The following TMEFF2 variants were observed in gnomAD, a reference collection of about 807,000 sequenced individuals.
The protein encoded by TMEFF2 is tomoregulin-2.
TMEFF2 carries 28 observed loss-of-function variants against 53.8 expected under a neutral mutation model. The observed-to-expected ratio is 0.52, with a 90% CI of 0.39 to 0.71. The LOEUF (loss-of-function observed/expected upper bound fraction) is 0.71. Ranked by LOEUF, TMEFF2 falls within the 30% of genes least tolerant of loss-of-function variation. TMEFF2 has a pLI of 0.00. For missense variants in TMEFF2, 353 were observed against 455.2 expected (o/e 0.78, Z 2.04); for synonymous variants, 162 against 166.3 (o/e 0.97, Z 0.20).
chr2:192,009,455 AG>A, intron 5 of TMEFF2, among the ~76,000 whole-genome samples: 2 of 152,280 alleles, frequency 1.3e-5, no homozygotes, highest in South Asian at 4.1e-4. Context: ...TGTTTGCTAA[AG>A]ATTATACTGC....
At chr2:191,980,792 A>G (rs1421637904) in intron 7 of TMEFF2, among the ~76,000 whole-genome samples, 12 of 151,972 alleles carry the variant, frequency 7.9e-5, no homozygotes. Flanking sequence ...TCTTCCTGAT[A>G]CTTTTTTCCC....
At position 191,999,134 on chromosome 2, in the gene TMEFF2, T is replaced by G; in HGVS notation, c.611A>C (p.Asn204Thr). 1 of 1,612,510 alleles carries G rather than the reference T, an allele frequency of 6.2e-7. No individual in the cohort carries two copies. Among genetic ancestry groups the G allele is most frequent in the Non-Finnish European group, 8.5e-7 (1 of 1,178,854 alleles). Residue 204 changes from asparagine to threonine, a missense_variant, in exon 6 of 10, where the codon AAT becomes ACT. Asn to Thr is a moderately conservative substitution (Grantham distance 65, BLOSUM62 0). Around this residue, in one of 3 missense-constraint regions of TMEFF2, gnomAD observed 294 missense variants for 397.3 expected, o/e 0.74. Transcript: ENST00000272771. ...CGATGCTTCTTTGATTTGGCATGCA[T>G]TATCATAAGATTTCCCATCAGAAGC... is the stretch of plus-strand genomic sequence containing the variant. Reference protein sequence around the residue: ...LCASDGKSYDNACQIKEASCQ... With the variant: ...LCASDGKSYDTACQIKEASCQ...
At chr2:191,966,648 C>CA (rs963263061) in intron 7 of TMEFF2, among the ~76,000 whole-genome samples, 13 of 152,032 alleles carry the variant, frequency 8.6e-5, no homozygotes, top group African/African-American at 3.1e-4. Flanking sequence ...CAAAACAAAA[C>CA]AAAAAACAGG....
intron 4 of TMEFF2, among the ~76,000 whole-genome samples, chr2:192,110,554 C>A (rs1331279073): frequency 6.6e-6 from 1 of 152,176 alleles, no homozygotes; most frequent in Non-Finnish European, 1.5e-5. Context: ...CCAATTCTTT[C>A]TATTTCTTCT....
At chr2:192,123,799 C>G (rs80113433) in intron 4 of TMEFF2, among the ~76,000 whole-genome samples, 3 of 152,106 alleles carry the variant, frequency 2.0e-5, no homozygotes, top group Non-Finnish European at 4.4e-5. Flanking sequence ...TATTGTTAAT[C>G]GATTTTCCTA....
intron 4 of TMEFF2, among the ~76,000 whole-genome samples, chr2:192,113,880 G>A (rs1689339605): frequency 1.3e-5 from 2 of 152,024 alleles, no homozygotes; most frequent in South Asian, 4.2e-4. Flanking sequence ...TGCATTGATG[G>A]CAACTGAAGC....
chr2:192,125,284 C>G (rs1689650292), intron 4 of TMEFF2, among the ~76,000 whole-genome samples: 1 of 152,130 alleles, frequency 6.6e-6, no homozygotes, highest in East Asian at 1.9e-4. Flanking sequence ...AGAAGATAAA[C>G]AAGTAAAACA....
intron 5 of TMEFF2, among the ~76,000 whole-genome samples, chr2:192,042,119 T>TA (rs1289063187): frequency 6.6e-6 from 1 of 151,792 alleles, no homozygotes; most frequent in Non-Finnish European, 1.5e-5. Flanking sequence ...GATAATCACT[T>TA]AAACTCAGGA....
intron 7 of TMEFF2, among the ~76,000 whole-genome samples, chr2:191,998,033 A>G (rs1424958506): frequency 6.6e-6 from 1 of 151,984 alleles, no homozygotes; most frequent in Non-Finnish European, 1.5e-5. Context: ...AGCTAATTAT[A>G]TCTTAGTGAC....
chr2:192,013,746 T>A (rs1305862356), intron 5 of TMEFF2, among the ~76,000 whole-genome samples: 1 of 152,190 alleles, frequency 6.6e-6, no homozygotes, highest in Admixed American at 6.5e-5. Flanking sequence ...CCACTGCACC[T>A]GGCCCATACT....
At chr2:192,128,936 T>TG (rs915337835) in intron 4 of TMEFF2, among the ~76,000 whole-genome samples, 3 of 152,190 alleles carry the variant, frequency 2.0e-5, no homozygotes, top group African/African-American at 4.8e-5. Flanking sequence ...GTGTGGCACA[T>TG]GTGGTGCCTT....
intron 3 of TMEFF2, among the ~76,000 whole-genome samples, chr2:192,180,967 A>G (rs1574441044): frequency 2.0e-5 from 3 of 151,980 alleles, no homozygotes; most frequent in South Asian, 2.1e-4. Flanking sequence ...GACAGGACAT[A>G]TGTCTTTGGA....
chr2:192,048,654 C>T (rs1687685920), intron 5 of TMEFF2, among the ~76,000 whole-genome samples: 1 of 152,020 alleles, frequency 6.6e-6, no homozygotes, highest in Non-Finnish European at 1.5e-5. Context: ...AGATTAAAAT[C>T]CACTGTCATA....
At chr2:192,181,724 A>G (rs1242664913) in intron 3 of TMEFF2, among the ~76,000 whole-genome samples, 1 of 151,866 alleles carries the variant, frequency 6.6e-6, no homozygotes, top group Non-Finnish European at 1.5e-5. Flanking sequence ...AAAATCAGAA[A>G]AAAATGCCAA....
intron 2 of TMEFF2, among the ~76,000 whole-genome samples, chr2:192,191,175 T>C (rs1691452530): frequency 6.6e-6 from 1 of 152,168 alleles, no homozygotes; most frequent in African/African-American, 2.4e-5. Flanking sequence ...CTTTAATAGA[T>C]ACTAATAACC....
intron 5 of TMEFF2, among the ~76,000 whole-genome samples, chr2:192,048,361 A>ACAC (rs1687676470): frequency 0.019 from 2,752 of 143,226 alleles, 48 homozygotes; most frequent in Middle Eastern, 0.028. Context: ...ATTCTCATAA[A>ACAC]ACACACACAC....
chr2:192,173,223 G>A (rs1690957887), intron 4 of TMEFF2, among the ~76,000 whole-genome samples: 1 of 151,732 alleles, frequency 6.6e-6, no homozygotes, highest in African/African-American at 2.4e-5. Context: ...ATGATACATT[G>A]CATGCTTATA....
chr2:192,096,523 TTA>T (rs1398835729), intron 4 of TMEFF2, among the ~76,000 whole-genome samples: 16 of 152,246 alleles, frequency 1.1e-4, no homozygotes, highest in African/African-American at 3.8e-4. Context: ...ATTCTGAATA[TTA>T]TTTTAAAAAT....
At chr2:191,973,670 G>T (rs1396549378) in intron 7 of TMEFF2, among the ~76,000 whole-genome samples, 1 of 152,062 alleles carries the variant, frequency 6.6e-6, no homozygotes, top group Non-Finnish European at 1.5e-5. Flanking sequence ...AGTTAACAAA[G>T]ATAGTGACAT....
Sources: gnomAD v4.1 joint callset for allele counts (sites outside exome capture counted in the v4.1 genomes callset) on GRCh38, gnomAD v4.1.1 for gene constraint, gnomAD v4.1.1 regional missense constraint, MANE v1.5 for transcripts, NCBI Gene and HGNC (gene_info 2026-07-23, HGNC 2026-07-21) for gene names.